WIPF1: variants seen among roughly 807,000 people sequenced by gnomAD.
The protein encoded by WIPF1 is WAS/WASL-interacting protein family member 1.
WIPF1 carries 13 observed loss-of-function variants against 35.4 expected under a neutral mutation model. That is an observed-to-expected ratio of 0.37 (90% CI 0.24 to 0.58). The LOEUF is 0.58. Ranked by LOEUF, WIPF1 falls within the 20% of genes least tolerant of loss-of-function variation. WIPF1 has a pLI of 0.74. For missense variants in WIPF1, 591 were observed against 667.0 expected, an observed-to-expected ratio of 0.89 and a Z score of 1.25; for synonymous variants, 267 against 266.3, an observed-to-expected ratio of 1.00 and a Z score of -0.02.
At chr2:174,637,285 GA>G (rs1289054847) in intron 1 of WIPF1, among the ~76,000 whole-genome samples, 1 of 151,782 alleles carries the variant, frequency 6.6e-6, no homozygotes, top group Non-Finnish European at 1.5e-5. Flanking sequence ...AGCACTACAA[GA>G]TGCTCCAGGC....
chr2:174,675,975 C>T (rs1245691703), intron 1 of WIPF1, among the ~76,000 whole-genome samples: 2 of 145,660 alleles, frequency 1.4e-5, no homozygotes, highest in Non-Finnish European at 3.0e-5. Flanking sequence ...GAGACAGAGT[C>T]TCACTCTATC....
chr2:174,560,440 T>C lies in WIPF1; in HGVS notation c.*2107A>G, dbSNP rs1344120670. On this transcript the variant is annotated 3_prime_UTR_variant, in exon 8 of 8. Transcript: ENST00000679041. ...TCAGACTTTTCTCCGTCATATTTTC[T>C]AGGAAGGGCAAATTCCATCTTTTGT... 1 of 152,612 alleles carries C rather than the reference T, an allele frequency of 6.6e-6. No individual in the cohort carries two copies. The highest frequency in any genetic ancestry group is 1.5e-5 in the Non-Finnish European group (1 of 68,018). 9.5% of individuals were successfully genotyped at this position (152,612 alleles called of 1,614,324 possible).
At chr2:174,593,977 T>G (rs1685715610) in intron 1 of WIPF1, among the ~76,000 whole-genome samples, 1 of 152,298 alleles carries the variant, frequency 6.6e-6, no homozygotes, top group Non-Finnish European at 1.5e-5. Context: ...GAAAACAGCT[T>G]TATTAGCAAA....
rs57521272 is a variant in WIPF1, at chr2:174,595,088, C to CAAAAAAAAAAAA, written c.-39+2501_-39+2512dup. ...AAACATAGTGGGACCCTCATCTCTACAAAAAAAAAAAAAAAAAAAAAATAT... is the reference window on the plus strand; with the variant it reads ...AAACATAGTGGGACCCTCATCTCTACAAAAAAAAAAAAAAAAAAAAAAAAAAAAAAAAAATAT... On this transcript the variant is annotated intron_variant, in intron 1 of 7. Coordinates refer to ENST00000679041, the MANE Select transcript of WIPF1 (RefSeq NM_001375834.1). 5.9e-4 allele frequency among the ~76,000 whole-genome samples: 3 copies of CAAAAAAAAAAAA among 5,070 alleles called. 1 individual carries two copies. The highest frequency in any genetic ancestry group is 8.2e-4 in the Non-Finnish European group (2 of 2,440). 3.3% of individuals were successfully genotyped at this position (5,070 alleles called of 152,430 possible). A position where few individuals can be genotyped will look rare whatever the true frequency, so the allele number is the denominator to read the frequency against.
rs201094141 is a variant in WIPF1 at position 174,571,964 on chromosome 2, C to G, written c.841G>C (p.Ala281Pro). ...VGNRPSIHRE[A>P]VPPPPPQNNK... ...TTCTGAGGAGGAGGAGGGGGAACCG[C>G]TTCCCTGTGGATGGAGGGCCTGTTG... is the stretch of plus-strand genomic sequence containing the variant. The change falls in exon 5 of 8, where the codon GCG (alanine) becomes CCG (proline). Residue 281 changes from alanine to proline, a missense_variant. Around this residue, in one of 3 missense-constraint regions of WIPF1, gnomAD observed 471 missense variants for 501.1 expected, o/e 0.94. Transcript: ENST00000679041. This position sits in a 1 kb window ranked among gnomAD's most constrained non-coding sequence, Gnocchi z 4.6. 76 of 1,568,526 alleles carry G rather than the reference C, an allele frequency of 4.8e-5. No individual in the cohort carries two copies. The Middle Eastern group carries it at 5.2e-4, about 11-fold the overall frequency.
intron 3 of WIPF1, among the ~76,000 whole-genome samples, chr2:174,580,346 C>G (rs928409485): frequency 6.6e-6 from 1 of 152,188 alleles, no homozygotes; most frequent in Non-Finnish European, 1.5e-5. Context: ...TTCACTTTTC[C>G]TTTTTCCTCC....
intron 1 of WIPF1, among the ~76,000 whole-genome samples, chr2:174,664,815 T>C (rs1053385384): frequency 2.6e-5 from 4 of 152,178 alleles, no homozygotes; most frequent in African/African-American, 9.7e-5. Flanking sequence ...AATTTTTAAA[T>C]AGAGACAAGG....
Position 174,560,411 on chromosome 2 carries a change from T to G in WIPF1, c.*2136A>C, listed in dbSNP as rs10930680. 0.058 allele frequency: 8,841 copies of G among 152,716 alleles called. 294 individuals are homozygous for G. Among genetic ancestry groups the G allele is most frequent in the Middle Eastern group, 0.17 (51 of 294 alleles). The allele number at this position is 152,716 out of a possible 1,614,324, so 9.5% of individuals were successfully genotyped here. On this transcript the variant is annotated 3_prime_UTR_variant, in exon 8 of 8. Transcript: ENST00000679041. The stretch of plus-strand genomic sequence containing the variant: ...TTATAAAATTCAGACCCACTTTCTC[T>G]GAGTCAGACTTTTCTCCGTCATATT...
intron 1 of WIPF1, among the ~76,000 whole-genome samples, chr2:174,610,959 T>C (rs555352672): frequency 2.5e-4 from 38 of 152,330 alleles, no homozygotes; most frequent in African/African-American, 8.7e-4. Context: ...TGTAGATGAC[T>C]TTCTAGAAAT....
intron 1 of WIPF1, among the ~76,000 whole-genome samples, chr2:174,617,850 G>A (rs1686559364): frequency 6.6e-6 from 1 of 152,194 alleles, no homozygotes; most frequent in African/African-American, 2.4e-5. Flanking sequence ...AAAGATATCA[G>A]AAAGTAGACA....
intron 1 of WIPF1, among the ~76,000 whole-genome samples, chr2:174,640,258 T>C (rs1472314988): frequency 2.0e-5 from 3 of 146,524 alleles, no homozygotes; most frequent in Admixed American, 7.0e-5. Flanking sequence ...CTATAAAACT[T>C]TGATGAAAGA....
chr2:174,674,974 T>C (rs1169016157), intron 1 of WIPF1, among the ~76,000 whole-genome samples: 1 of 150,686 alleles, frequency 6.6e-6, no homozygotes, highest in African/African-American at 2.5e-5. Context: ...ATGGTTGTAG[T>C]AGAAGAAAAC....
intron 4 of WIPF1, 74 bp downstream of exon 4, chr2:174,575,130 G>T: frequency 6.7e-7 from 1 of 1,500,270 alleles, no homozygotes; most frequent in Non-Finnish European, 9.1e-7. Flanking sequence ...GAGCCTTAGA[G>T]GCTATGACCA....
intron 1 of WIPF1, among the ~76,000 whole-genome samples, chr2:174,648,995 A>T (rs189887908): frequency 6.6e-6 from 1 of 152,302 alleles, no homozygotes; most frequent in Admixed American, 6.5e-5. Context: ...ACTTACATAA[A>T]TCCAACTTTT....
At chr2:174,607,325 C>G (rs1025442412) in intron 1 of WIPF1, among the ~76,000 whole-genome samples, 1 of 152,092 alleles carries the variant, frequency 6.6e-6, no homozygotes, top group African/African-American at 2.4e-5. Context: ...ATGGAGTGAA[C>G]CCAGGAGGCG....
chr2:174,633,412 CCTT>C (rs769852409), intron 1 of WIPF1, among the ~76,000 whole-genome samples: 3 of 152,218 alleles, frequency 2.0e-5, no homozygotes, highest in African/African-American at 7.2e-5. Context: ...CTCCTCTCCT[CCTT>C]ATCCTCCCTG....
upstream of WIPF1, among the ~76,000 whole-genome samples, chr2:174,601,683 C>T (rs563293746): frequency 1.3e-5 from 2 of 152,354 alleles, no homozygotes; most frequent in African/African-American, 4.8e-5. Context: ...GCGGAGTTCT[C>T]AGCTCAGTGT....
intron 1 of WIPF1, among the ~76,000 whole-genome samples, chr2:174,650,950 A>C (rs905763000): frequency 2.0e-5 from 3 of 152,216 alleles, no homozygotes; most frequent in Non-Finnish European, 2.9e-5. Context: ...TGCCATCCCT[A>C]ATCTAGGAAC....
chr2:174,660,527 G>T (rs1691097910), intron 1 of WIPF1, among the ~76,000 whole-genome samples: 1 of 152,082 alleles, frequency 6.6e-6, no homozygotes, highest in African/African-American at 2.4e-5. Context: ...CTAGGGAGGG[G>T]GGAACAGGGA....
Sources: allele counts gnomAD v4.1 joint callset (sites outside exome capture counted in the v4.1 genomes callset), GRCh38; gene constraint gnomAD v4.1.1; regional missense constraint gnomAD v4.1.1; non-coding constraint Gnocchi (gnomAD v3.1); transcripts MANE v1.5; gene names NCBI Gene and HGNC (gene_info 2026-07-23, HGNC 2026-07-21).